The following ELMO1 variants were observed in gnomAD, a reference collection of about 807,000 sequenced individuals.
ELMO1 encodes the protein engulfment and cell motility 1.
ELMO1 carries 26 observed loss-of-function variants against 98.9 expected under a neutral mutation model. The observed-to-expected ratio is 0.26, with a 90% CI of 0.19 to 0.36. The LOEUF is 0.36. Ranked by LOEUF, ELMO1 falls within the 10% of genes least tolerant of loss-of-function variation. The pLI, the probability that ELMO1 is intolerant of heterozygous loss-of-function variation, is 1.00. For synonymous variants in ELMO1, 346 were observed against 346.0 expected (o/e 1.00, Z 0.00); for missense variants, 627 against 935.2 (o/e 0.67, Z 4.30).
intron 1 of ELMO1, chr7:37,393,864 C>G (rs1333110050): frequency 6.6e-6 from 1 of 152,186 alleles, no homozygotes; most frequent in Non-Finnish European, 1.5e-5. Context: ...TTGGGCATAT[C>G]TTGATCTGTA....
At chr7:37,101,419 G>C (rs1040740812) in intron 14 of ELMO1, among the ~76,000 whole-genome samples, 1 of 152,170 alleles carries the variant, frequency 6.6e-6, no homozygotes, top group East Asian at 1.9e-4. Flanking sequence ...GAGACAGCTA[G>C]CGCTCAAAAT....
chr7:37,216,277 A>G (rs1793276507), intron 11 of ELMO1, among the ~76,000 whole-genome samples: 1 of 151,952 alleles, frequency 6.6e-6, no homozygotes, highest in Admixed American at 6.6e-5. Flanking sequence ...TTGGTACCTG[A>G]TATGTTTACA....
chr7:37,134,876 A>G (rs538336701), intron 13 of ELMO1, among the ~76,000 whole-genome samples: 1 of 152,338 alleles, frequency 6.6e-6, no homozygotes, highest in African/African-American at 2.4e-5. Flanking sequence ...ACACATGGGC[A>G]TGGAGTGTGG....
chr7:37,281,711 C>T (rs1292719321), intron 4 of ELMO1, among the ~76,000 whole-genome samples: 1 of 152,108 alleles, frequency 6.6e-6, no homozygotes, highest in East Asian at 1.9e-4. Context: ...ACAGTCTAAA[C>T]TTTTCTAAGA....
chr7:37,366,421 A>C (rs1270746706), intron 1 of ELMO1, among the ~76,000 whole-genome samples: 3 of 152,236 alleles, frequency 2.0e-5, no homozygotes, highest in Non-Finnish European at 4.4e-5. Flanking sequence ...AGGTCAGCAA[A>C]TATTGCTGTA....
chr7:36,964,898 G>C (rs975187470), intron 16 of ELMO1, among the ~76,000 whole-genome samples: 2 of 152,138 alleles, frequency 1.3e-5, no homozygotes, highest in Non-Finnish European at 2.9e-5. Context: ...AACTTAAAAT[G>C]AAAAATACTG....
At chr7:37,118,454 C>T (rs1401327973) in intron 14 of ELMO1, among the ~76,000 whole-genome samples, 1 of 152,148 alleles carries the variant, frequency 6.6e-6, no homozygotes, top group Non-Finnish European at 1.5e-5. Flanking sequence ...GATTAAAGTC[C>T]TTCATTCTCA....
chr7:37,125,918 T>C (rs1369331662), intron 14 of ELMO1, among the ~76,000 whole-genome samples: 6 of 152,010 alleles, frequency 3.9e-5, no homozygotes, highest in Non-Finnish European at 5.9e-5. Context: ...CAATGATAGA[T>C]TGGATTAAGA....
At chr7:37,049,803 G>C (rs1242864147) in intron 15 of ELMO1, among the ~76,000 whole-genome samples, 3 of 145,200 alleles carry the variant, frequency 2.1e-5, no homozygotes, top group Non-Finnish European at 4.5e-5. Flanking sequence ...TTGAGATGGA[G>C]TTTTGCTCTT....
chr7:37,385,773 A>G (rs2701011), intron 1 of ELMO1, among the ~76,000 whole-genome samples: 40,108 of 152,214 alleles, frequency 0.26, 6,021 homozygotes, highest in Admixed American at 0.34. Flanking sequence ...GGCAAAATGC[A>G]TGCACACACA....
chr7:37,007,047 A>C (rs1009018412), intron 16 of ELMO1, among the ~76,000 whole-genome samples: 13 of 150,974 alleles, frequency 8.6e-5, no homozygotes, highest in African/African-American at 3.2e-4. Flanking sequence ...ACACATATGA[A>C]ACTCTTTGCT....
intron 9 of ELMO1, 56 bp from the exon 10 acceptor site, chr7:37,222,749 C>T (rs1192923592): frequency 1.9e-5 from 30 of 1,540,752 alleles, no homozygotes; most frequent in Non-Finnish European, 2.7e-5. Flanking sequence ...AAGAGGCTAG[C>T]CCTGGGTCAA....
intron 15 of ELMO1, among the ~76,000 whole-genome samples, chr7:37,091,047 T>C (rs1176420153): frequency 6.6e-6 from 1 of 152,200 alleles, no homozygotes; most frequent in Non-Finnish European, 1.5e-5. Flanking sequence ...AGAGAGTAAT[T>C]GATCCATTTG....
At chr7:37,026,411 A>T (rs532088301) in intron 15 of ELMO1, among the ~76,000 whole-genome samples, 12 of 152,296 alleles carry the variant, frequency 7.9e-5, no homozygotes, top group African/African-American at 2.9e-4. Context: ...ATTTAAGGAT[A>T]AATGCCAAGG....
At chr7:37,234,857 G>A (rs1418891085) in intron 7 of ELMO1, among the ~76,000 whole-genome samples, 3 of 152,152 alleles carry the variant, frequency 2.0e-5, no homozygotes, top group Non-Finnish European at 2.9e-5. Context: ...CGTGAATGAA[G>A]GACAAGATTT....
chr7:36,978,064 G>T (rs190994638), intron 16 of ELMO1, among the ~76,000 whole-genome samples: 2 of 152,270 alleles, frequency 1.3e-5, no homozygotes, highest in East Asian at 3.9e-4. Context: ...TACAGGGTTG[G>T]CATTCAGCAA....
intron 13 of ELMO1, among the ~76,000 whole-genome samples, chr7:37,162,094 G>T (rs1245973573): frequency 2.7e-5 from 4 of 150,254 alleles, no homozygotes; most frequent in African/African-American, 9.8e-5. Flanking sequence ...GGGGTAAACT[G>T]GAACTAAGTA....
chr7:37,156,061 C>A (rs981601048), intron 13 of ELMO1, among the ~76,000 whole-genome samples: 2 of 152,272 alleles, frequency 1.3e-5, no homozygotes, highest in African/African-American at 4.8e-5. Context: ...GAACAACCTG[C>A]TCCTGAATGA....
At chr7:37,382,838 T>C (rs1583660012) in intron 1 of ELMO1, among the ~76,000 whole-genome samples, 1 of 152,062 alleles carries the variant, frequency 6.6e-6, no homozygotes, top group South Asian at 2.1e-4. Flanking sequence ...GGTGTATGCA[T>C]GCTGCATGTA....
Sources: allele counts gnomAD v4.1 joint callset (sites outside exome capture counted in the v4.1 genomes callset), GRCh38; gene constraint gnomAD v4.1.1; transcripts MANE v1.5; gene names NCBI Gene and HGNC (gene_info 2026-07-23, HGNC 2026-07-21).